The following EPS8L2 variants were observed in gnomAD, a reference collection of about 807,000 sequenced individuals.
EPS8L2 encodes EPS8 signaling adaptor L2, also known as epidermal growth factor receptor kinase substrate 8-like protein 2.
EPS8L2 carries 81 observed loss-of-function variants against 99.4 expected under a neutral mutation model. The ratio of observed to expected loss-of-function variants is 0.82; its 90% confidence interval spans 0.68 to 0.98. The LOEUF is 0.98. EPS8L2 is among the 50% of genes least tolerant of loss of function. The pLI is 0.00. For missense variants in EPS8L2, 1,155 were observed against 968.8 expected, an observed-to-expected ratio of 1.19 and a Z score of -2.55; for synonymous variants, 509 against 407.3, an observed-to-expected ratio of 1.25 and a Z score of -3.01.
At chr11:712,448 TCG>T (rs1431175018) in intron 4 of EPS8L2, among the ~76,000 whole-genome samples, 8 of 145,576 alleles carry the variant, frequency 5.5e-5, no homozygotes, top group African/African-American at 1.5e-4. Flanking sequence ...CTCCCGGTTG[TCG>T]TCCAAGCCTG....
chr11:720,871 CT>C lies in EPS8L2; in HGVS notation c.520del (p.Cys174AlafsTer12). The C allele has an allele frequency of 6.8e-7, 1 of 1,462,616 alleles. No homozygotes were observed. 90.6% of individuals were successfully genotyped at this position (1,462,616 alleles called of 1,614,324 possible). On this transcript the variant is annotated frameshift_variant, in exon 7 of 21. Transcript: ENST00000318562. LOFTEE classifies it high-confidence loss of function. ...AGGACATCGAGAGCGCGTTGGCCGA[CT>C]GCCGGCTGGGCAAGAAGATGCGGCC... ...HEDIESALAD[C>X]RLGKKMRPQT...
Position 722,741 on chromosome 11 carries a change from C to T in EPS8L2, c.1277C>T (p.Pro426Leu). The T allele has an allele frequency of 6.2e-7, 1 of 1,606,268 alleles. No individual in the cohort carries two copies. Among genetic ancestry groups the T allele is most frequent in the Non-Finnish European group, 8.5e-7 (1 of 1,177,360 alleles). The change falls in exon 14 of 21, where the codon CCT (proline) becomes CTT (leucine). Residue 426 changes from proline (P) to leucine (L), a missense_variant. By Grantham distance (98) the Pro-to-Leu change is moderately conservative (BLOSUM62 -3). Transcript: ENST00000318562. ...VPKFHSGWEP[P>L]VDVLQEAPWE... ...AAGTTCCACAGCGGCTGGGAGCCTC[C>T]TGTGGATGTGCTGCAGGAGGCCCCC...
At position 721,332 on chromosome 11, in the gene EPS8L2, CAGA is replaced by C. The variant is rs1272754588; in HGVS notation, c.752_754del (p.Lys251del). On this transcript the variant is annotated inframe_deletion, in exon 9 of 21. Coordinates refer to ENST00000318562, the MANE Select transcript of EPS8L2 (RefSeq NM_022772.4). ...GGAGGAGCCGCGGGCCGTGCTGGCT[CAGA>C]AGATAGAGAAGGAGACGGTGGGTGC... 6.5e-7 allele frequency: 1 copy of C among 1,539,758 alleles called. No homozygotes were observed. The highest frequency in any genetic ancestry group is 8.7e-7 in the Non-Finnish European group (1 of 1,146,546).
chr11:722,032 G>A, intron 11 of EPS8L2, 41 bp downstream of exon 11: 6 of 1,608,018 alleles, frequency 3.7e-6, no homozygotes, highest in Non-Finnish European at 5.1e-6. Flanking sequence ...TGTCTGTGCT[G>A]AGGGGAGGGT....
At chr11:720,288 C>A in intron 5 of EPS8L2, 65 bp downstream of exon 5, 1 of 1,551,412 alleles carries the variant, frequency 6.4e-7, no homozygotes, top group Admixed American at 1.8e-5. Flanking sequence ...CCACCGGCTG[C>A]AGCCCGGATG....
Position 726,497 on chromosome 11 carries a change from G to A in EPS8L2, c.1934+13G>A, listed in dbSNP as rs1176894235. Reference sequence around the variant, plus strand: ...CCTTCAGCCCGCGGTGAGCGGGGGCGGGGGATGAGCTGGGGCCCGGGCGAG... The same window carrying A: ...CCTTCAGCCCGCGGTGAGCGGGGGCAGGGGATGAGCTGGGGCCCGGGCGAG... On this transcript the variant is annotated intron_variant, in intron 19 of 20. Transcript: ENST00000318562. 4.5e-6 allele frequency: 7 copies of A among 1,542,946 alleles called. No individual in the cohort carries two copies. The highest frequency in any genetic ancestry group is 3.6e-5 in the South Asian group (3 of 82,974).
At chr11:712,991 G>GCCGGC (rs1164696604) in intron 4 of EPS8L2, among the ~76,000 whole-genome samples, 8 of 151,712 alleles carry the variant, frequency 5.3e-5, no homozygotes, top group African/African-American at 1.7e-4. Flanking sequence ...TTTGGCCCCA[G>GCCGGC]CTGGCCTGGC....
At chr11:715,059 G>A (rs151248712) in intron 4 of EPS8L2, among the ~76,000 whole-genome samples, 16,136 of 152,006 alleles carry the variant, frequency 0.11, 1,005 homozygotes, top group East Asian at 0.21. Flanking sequence ...TGGCTAACAT[G>A]GTGAAACCCC....
rs922891230 is a variant in EPS8L2, at chr11:710,479, A to G, written c.158A>G (p.His53Arg). Reference sequence around the variant, plus strand: ...ATCATGCACGAGACCTCGCAGTACCACGTCCAGGTAAGGCCCCGCCCCCAG... The same window carrying G: ...ATCATGCACGAGACCTCGCAGTACCGCGTCCAGGTAAGGCCCCGCCCCCAG... ...NVIMHETSQY[H>R]VQHLATFIMD... is the part of the protein sequence containing the mutation. The change falls in exon 4 of 21, where the codon CAC (histidine) becomes CGC (arginine). Residue 53 changes from histidine (H) to arginine (R), a missense_variant. His to Arg is a conservative substitution (Grantham distance 29). Transcript: ENST00000318562. The G allele has an allele frequency of 1.2e-6, 2 of 1,613,706 alleles. No homozygotes were observed. Among genetic ancestry groups the G allele is most frequent in the African/African-American group, 1.3e-5 (1 of 75,066 alleles).
rs113424205 is a variant in EPS8L2 at position 726,302 on chromosome 11, A to T, written c.1754-2A>T. ...GCGGGCCTGAGTCGCGCGCCCCCTC[A>T]GAGCTCATGCAGCACATGGACGAGG... On this transcript the variant is annotated splice_acceptor_variant, in intron 18 of 20. Coordinates refer to ENST00000318562, the MANE Select transcript of EPS8L2 (RefSeq NM_022772.4). LOFTEE classifies it high-confidence loss of function. 1.2e-6 allele frequency: 2 copies of T among 1,604,810 alleles called. No individual in the cohort carries two copies. Among genetic ancestry groups the T allele is most frequent in the East Asian group, 4.5e-5 (2 of 44,500 alleles).
At position 726,476 on chromosome 11, in the gene EPS8L2, C is replaced by T. The variant is rs1351002672; in HGVS notation, c.1926C>T (p.Phe642=). Residue 642 remains phenylalanine, a synonymous_variant, in exon 19 of 21, where the codon TTC becomes TTT. Coordinates refer to ENST00000318562, the MANE Select transcript of EPS8L2 (RefSeq NM_022772.4). The part of the protein sequence containing the change: ...EVRAWLEAKA[F]SPRIVENLGI... ...GCGCCTGGCTGGAAGCCAAGGCCTT[C>T]AGCCCGCGGTGAGCGGGGGCGGGGG... 1 of 1,559,086 alleles carries T rather than the reference C, an allele frequency of 6.4e-7. No individual in the cohort carries two copies. Among genetic ancestry groups the T allele is most frequent in the Non-Finnish European group, 8.7e-7 (1 of 1,153,272 alleles).
chr11:717,869 C>T (rs1161100573), intron 4 of EPS8L2, among the ~76,000 whole-genome samples: 7 of 151,792 alleles, frequency 4.6e-5, no homozygotes, highest in Non-Finnish European at 7.4e-5. Context: ...ATTAGCCGGG[C>T]GTGGTGGCAG....
intron 4 of EPS8L2, among the ~76,000 whole-genome samples, chr11:712,137 T>G (rs1036279548): frequency 6.6e-5 from 10 of 150,720 alleles, no homozygotes; most frequent in African/African-American, 1.7e-4. Context: ...ACTACAAAAC[T>G]TAGCTGGACG....
At chr11:716,121 C>T (rs1225760702) in intron 4 of EPS8L2, among the ~76,000 whole-genome samples, 3 of 150,748 alleles carry the variant, frequency 2.0e-5, no homozygotes, top group Non-Finnish European at 4.4e-5. Context: ...TACAGGCATG[C>T]ACCACCATGC....
At chr11:713,645 A>G (rs571918535) in intron 4 of EPS8L2, among the ~76,000 whole-genome samples, 28 of 152,328 alleles carry the variant, frequency 1.8e-4, no homozygotes, top group African/African-American at 6.0e-4. Flanking sequence ...CAAGGGTTCA[A>G]GTGATTCTCC....
intron 19 of EPS8L2, 45 bp downstream of exon 19, chr11:726,529 G>T: frequency 6.6e-7 from 1 of 1,514,872 alleles, no homozygotes; most frequent in South Asian, 1.3e-5. Context: ...CGAGGGGTGG[G>T]AGGTGCGGCC....
rs1371538102 is a variant in EPS8L2 at position 721,184 on chromosome 11, G to A, written c.678G>A (p.Pro226=). 2.0e-6 allele frequency: 3 copies of A among 1,533,724 alleles called. No individual in the cohort carries two copies. Among genetic ancestry groups the A allele is most frequent in the South Asian group, 2.4e-5 (2 of 83,576 alleles). The change falls in exon 8 of 21, where the codon CCG becomes CCA. Residue 226 remains proline, a synonymous_variant. Transcript: ENST00000318562. ...DSPEAKNRVG[P]QVPLSEPGFR... is the part of the protein sequence containing the mutation. ...CGGAGGCCAAGAATCGCGTGGGCCC[G>A]CAGGTGCCACTCAGCGAGCCAGGTG...
rs1399995733 is a variant in EPS8L2, at chr11:726,933, C to T, written c.2100C>T (p.Leu700=). The T allele has an allele frequency of 4.3e-6, 7 of 1,613,256 alleles. No homozygotes were observed. The highest frequency in any genetic ancestry group is 2.7e-5 in the African/African-American group (2 of 74,930). ...AAAGTGGGTCGGAGCTGGAAGAACT[C>T]ATGAACAAGTTTCATTCCATGAATC... ...KQQSGSELEE[L]MNKFHSMNQR... Residue 700 remains leucine (L), a synonymous_variant, in exon 21 of 21, where the codon CTC becomes CTT. Transcript: ENST00000318562.
chr11:707,873 C>A (rs574123984), intron 1 of EPS8L2, among the ~76,000 whole-genome samples: 1 of 152,110 alleles, frequency 6.6e-6, no homozygotes, highest in Non-Finnish European at 1.5e-5. Context: ...ACGTGCCTGG[C>A]GCCCTTGGTG....
Sources: gnomAD v4.1 joint callset for allele counts (sites outside exome capture counted in the v4.1 genomes callset) on GRCh38, gnomAD v4.1.1 for gene constraint, MANE v1.5 for transcripts, NCBI Gene and HGNC (gene_info 2026-07-23, HGNC 2026-07-21) for gene names.